Variants in NAV3 observed in about 807,000 individuals in gnomAD.
NAV3 encodes the protein neuron navigator 3.
NAV3 carries 87 observed loss-of-function variants against 244.7 expected under a neutral mutation model. The observed-to-expected ratio is 0.36, with a 90% CI of 0.30 to 0.42. The LOEUF is 0.42. Among genes scored for constraint, NAV3 ranks in the 20% least tolerant of loss-of-function variants. NAV3 has a pLI of 1.00. For missense variants in NAV3, 2,663 were observed against 2,893.3 expected, an observed-to-expected ratio of 0.92 and a Z score of 1.83; for synonymous variants, 1,126 against 1,042.2, an observed-to-expected ratio of 1.08 and a Z score of -1.55.
chr12:77,827,096 A>C (rs1592717498), upstream of NAV3, among the ~76,000 whole-genome samples: 1 of 151,890 alleles, frequency 6.6e-6, no homozygotes, highest in Non-Finnish European at 1.5e-5. Context: ...AGCCAGGCGT[A>C]GTGGCAGGCG....
In NAV3 at chr12:77,834,887, A is replaced by T. The variant is rs1020185213; in HGVS notation, c.243+3183A>T. On this transcript the variant is annotated intron_variant, in intron 1 of 39. Transcript: ENST00000397909. ...AGAGTTATTTTAGCTTTTGGGAAAA[A>T]AAAAAAAACCCAGAACTGAAGTAAA... Among the ~76,000 whole-genome samples the T allele has an allele frequency of 3.7e-3, 570 of 152,354 alleles. 3 individuals carry two copies. The highest frequency in any genetic ancestry group is 0.013 in the African/African-American group (546 of 41,576).
intron 9 of NAV3, among the ~76,000 whole-genome samples, chr12:78,033,237 C>CT (rs374028205): frequency 0.059 from 8,460 of 143,208 alleles, 626 homozygotes; most frequent in African/African-American, 0.19. Flanking sequence ...CTGAAATTGC[C>CT]CTTTTTTTTT....
chr12:77,940,445 T>G lies in NAV3; in HGVS notation c.361+9T>G, dbSNP rs775085754. On this transcript the variant is annotated intron_variant, in intron 2 of 39. Coordinates refer to ENST00000397909, the MANE Select transcript of NAV3 (RefSeq NM_001024383.2). ...AATCATCCAGATTATTGGTAAGCCCTTCCTTCTGAAAGAAAGCATGAAAGT... is the reference window on the plus strand; with the variant it reads ...AATCATCCAGATTATTGGTAAGCCCGTCCTTCTGAAAGAAAGCATGAAAGT... The G allele has an allele frequency of 1.3e-6, 2 of 1,599,100 alleles. No homozygotes were observed. The highest frequency in any genetic ancestry group is 1.7e-4 in the Middle Eastern group (1 of 6,026).
intron 11 of NAV3, among the ~76,000 whole-genome samples, chr12:78,058,484 G>A (rs1883845621): frequency 6.6e-6 from 1 of 152,048 alleles, no homozygotes; most frequent in Non-Finnish European, 1.5e-5. Flanking sequence ...AATTCAGGGT[G>A]AGAGTTGGGT....
At chr12:78,146,105 T>C (rs990392135) in intron 20 of NAV3, among the ~76,000 whole-genome samples, 1 of 152,132 alleles carries the variant, frequency 6.6e-6, no homozygotes, top group African/African-American at 2.4e-5. Context: ...GTCTTTTAAT[T>C]CTGTCTTTTG....
At chr12:77,725,838 G>T (rs958740175) in intron 2 of NAV3, among the ~76,000 whole-genome samples, 1 of 151,834 alleles carries the variant, frequency 6.6e-6, no homozygotes, top group Non-Finnish European at 1.5e-5. Context: ...AAGATCTGTG[G>T]GCGAATCCAT....
intron 2 of NAV3, among the ~76,000 whole-genome samples, chr12:77,619,340 C>CT (rs1871270382): frequency 6.6e-6 from 1 of 152,186 alleles, no homozygotes; most frequent in African/African-American, 2.4e-5. Context: ...GCTTCTGCTG[C>CT]TTAAGGCCAT....
At chr12:77,943,935 C>T (rs1890098828) in intron 3 of NAV3, among the ~76,000 whole-genome samples, 1 of 152,162 alleles carries the variant, frequency 6.6e-6, no homozygotes. Context: ...TTGTATGAAT[C>T]TACAATGTAT....
intron 2 of NAV3, among the ~76,000 whole-genome samples, chr12:77,698,242 G>A (rs190710179): frequency 3.0e-4 from 46 of 152,230 alleles, no homozygotes; most frequent in African/African-American, 9.9e-4. Flanking sequence ...CAACCACAGC[G>A]TTAATATCTT....
intron 1 of NAV3, among the ~76,000 whole-genome samples, chr12:77,899,886 C>T (rs542699445): frequency 6.3e-4 from 96 of 152,038 alleles, no homozygotes; most frequent in Admixed American, 9.8e-4. Context: ...ATTTATTAAT[C>T]GTTTTAATTT....
intron 1 of NAV3, among the ~76,000 whole-genome samples, chr12:77,844,546 G>C (rs1295734507): frequency 6.6e-6 from 1 of 152,058 alleles, no homozygotes; most frequent in Non-Finnish European, 1.5e-5. Context: ...TGTTTATAGG[G>C]ATAATACAAT....
chr12:77,803,319 T>G (rs1871812849), intron 2 of NAV3, among the ~76,000 whole-genome samples: 1 of 152,126 alleles, frequency 6.6e-6, no homozygotes. Flanking sequence ...GATGTTTCCC[T>G]CCCTGTGTCC....
At chr12:77,744,780 C>A (rs1655715273) in intron 2 of NAV3, among the ~76,000 whole-genome samples, 1 of 150,372 alleles carries the variant, frequency 6.7e-6, no homozygotes, top group African/African-American at 2.4e-5. Context: ...TTTTAATTTT[C>A]ATTGATTTAA....
At chr12:77,581,293 T>G (rs1015343554) in intron 2 of NAV3, among the ~76,000 whole-genome samples, 1 of 152,152 alleles carries the variant, frequency 6.6e-6, no homozygotes, top group African/African-American at 2.4e-5. Flanking sequence ...TATTGTGCTC[T>G]GATTTAAATC....
At chr12:77,752,350 C>T (rs557816939) in intron 2 of NAV3, among the ~76,000 whole-genome samples, 5 of 152,196 alleles carry the variant, frequency 3.3e-5, no homozygotes, top group South Asian at 2.1e-4. Context: ...ATGTTTGTGT[C>T]GCTTTTATAG....
chr12:77,977,732 ACACACACACT>A (rs1868769302), intron 5 of NAV3, among the ~76,000 whole-genome samples: 1 of 151,490 alleles, frequency 6.6e-6, no homozygotes. Flanking sequence ...ACACACACAC[ACACACACACT>A]CTCTTCAGAA....
chr12:77,893,530 T>C (rs938747745), intron 1 of NAV3, among the ~76,000 whole-genome samples: 6 of 151,908 alleles, frequency 3.9e-5, no homozygotes, highest in Non-Finnish European at 8.8e-5. Context: ...TGGCATCTTA[T>C]TAAAAATGAA....
intron 1 of NAV3, among the ~76,000 whole-genome samples, chr12:77,925,797 A>C (rs1888154761): frequency 6.6e-6 from 1 of 152,188 alleles, no homozygotes; most frequent in Non-Finnish European, 1.5e-5. Context: ...AGTGGAATAC[A>C]AAATGAAACC....
At chr12:78,013,992 C>A (rs759894856) in intron 8 of NAV3, among the ~76,000 whole-genome samples, 2 of 151,998 alleles carry the variant, frequency 1.3e-5, no homozygotes, top group African/African-American at 4.8e-5. Flanking sequence ...TTACATCCTT[C>A]AGACTTTCAA....
Sources: allele counts gnomAD v4.1 joint callset (sites outside exome capture counted in the v4.1 genomes callset), GRCh38; gene constraint gnomAD v4.1.1; transcripts MANE v1.5; gene names NCBI Gene and HGNC (gene_info 2026-07-23, HGNC 2026-07-21).